Variants in ADGRV1 observed in about 807,000 individuals in gnomAD.
ADGRV1 encodes G-protein coupled receptor 98.
ADGRV1 carries 359 observed loss-of-function variants against 596.2 expected under a neutral mutation model. That is an observed-to-expected ratio of 0.60 (90% confidence interval 0.55 to 0.66). The LOEUF (loss-of-function observed/expected upper bound fraction) is 0.66. Ranked by LOEUF, ADGRV1 falls within the 30% of genes least tolerant of loss-of-function variation. The probability of loss-of-function intolerance (pLI) is 0.00; values close to 1 mark genes in which losing one functional copy is unlikely to be tolerated. For synonymous variants in ADGRV1, 2,681 were observed against 2,679.2 expected (o/e 1.00, Z -0.02); for missense variants, 7,274 against 7,575.6 (o/e 0.96, Z 1.48).
intron 85 of ADGRV1, among the ~76,000 whole-genome samples, chr5:91,051,755 G>A (rs557597074): frequency 6.8e-4 from 103 of 152,030 alleles, no homozygotes; most frequent in African/African-American, 2.3e-3. Flanking sequence ...CACGACGTTA[G>A]CCAGGATGGT....
intron 72 of ADGRV1, among the ~76,000 whole-genome samples, chr5:90,807,093 C>T (rs142133124): frequency 1.3e-4 from 20 of 152,242 alleles, no homozygotes; most frequent in Middle Eastern, 6.8e-3. Context: ...CCTCAGAATC[C>T]GCCCTCGTCG....
At chr5:90,963,311 G>A (rs2150960094) in intron 83 of ADGRV1, among the ~76,000 whole-genome samples, 1 of 152,194 alleles carries the variant, frequency 6.6e-6, no homozygotes, top group East Asian at 1.9e-4. Flanking sequence ...CATAGAAGGT[G>A]TTCAAGGAAT....
At chr5:90,986,767 A>G (rs1780533011) in intron 85 of ADGRV1, among the ~76,000 whole-genome samples, 1 of 152,160 alleles carries the variant, frequency 6.6e-6, no homozygotes, top group Non-Finnish European at 1.5e-5. Context: ...GATTTTTTAC[A>G]TTTTACTATC....
intron 39 of ADGRV1, among the ~76,000 whole-genome samples, chr5:90,709,991 C>T (rs890344479): frequency 6.6e-6 from 1 of 152,166 alleles, no homozygotes; most frequent in Non-Finnish European, 1.5e-5. Context: ...GCGTAATATG[C>T]CCCAAATCAC....
intron 78 of ADGRV1, among the ~76,000 whole-genome samples, chr5:90,847,020 T>C (rs1765952629): frequency 6.6e-6 from 1 of 152,186 alleles, no homozygotes; most frequent in Admixed American, 6.5e-5. Flanking sequence ...AGAGTGCTGA[T>C]TGGTGCACTT....
At chr5:90,976,298 ATG>A (rs752233519) in intron 84 of ADGRV1, among the ~76,000 whole-genome samples, 3,142 of 118,810 alleles carry the variant, frequency 0.026, 97 homozygotes, top group East Asian at 0.086. Context: ...GTGTGTGTAT[ATG>A]TGTGTGTGTG....
At position 90,708,909 on chromosome 5, in the gene ADGRV1, G is replaced by A. The variant is rs776760190; in HGVS notation, c.8824G>A (p.Asp2942Asn). 6.3e-7 allele frequency: 1 copy of A among 1,597,334 alleles called. No individual in the cohort carries two copies. The highest frequency in any genetic ancestry group is 8.6e-7 in the Non-Finnish European group (1 of 1,165,536). Reference sequence around the variant, plus strand: ...TTCAACTTCATTTCCTCCCAGACTAGGTATGAGGGGTTTCTTGTTTGTTTC... The same window carrying A: ...TTCAACTTCATTTCCTCCCAGACTAAGTATGAGGGGTTTCTTGTTTGTTTC... ...AASTSFPPRL[D>N]SEGLTAQVII... Residue 2942 changes from aspartate to asparagine, a missense_variant and splice_region_variant, in exon 39 of 90, where the codon GAT (aspartate) becomes AAT (asparagine). Asp to Asn is a conservative substitution (Grantham distance 23, BLOSUM62 1). Coordinates refer to ENST00000405460, the MANE Select transcript of ADGRV1 (RefSeq NM_032119.4).
chr5:91,157,109 T>A (rs140353936), intron 89 of ADGRV1, among the ~76,000 whole-genome samples: 1 of 152,310 alleles, frequency 6.6e-6, no homozygotes, highest in East Asian at 1.9e-4. Context: ...TATGCAAACC[T>A]CCTTGGCCAC....
intron 1 of ADGRV1, among the ~76,000 whole-genome samples, chr5:90,608,645 T>C (rs995164813): frequency 6.6e-6 from 1 of 152,162 alleles, no homozygotes; most frequent in Non-Finnish European, 1.5e-5. Flanking sequence ...CATTTATCTT[T>C]ACATAAGCTT....
intron 83 of ADGRV1, among the ~76,000 whole-genome samples, chr5:90,904,118 C>T (rs1469348650): frequency 2.0e-5 from 3 of 151,952 alleles, no homozygotes; most frequent in African/African-American, 4.8e-5. Context: ...CTGAATAGTA[C>T]TCCATTGTGT....
intron 83 of ADGRV1, among the ~76,000 whole-genome samples, chr5:90,864,258 T>C (rs142231848): frequency 6.6e-6 from 1 of 152,316 alleles, no homozygotes; most frequent in East Asian, 1.9e-4. Flanking sequence ...CTGGACACTA[T>C]GTATTGTTTC....
intron 70 of ADGRV1, among the ~76,000 whole-genome samples, chr5:90,799,350 C>G (rs1761103743): frequency 1.3e-5 from 2 of 152,082 alleles, no homozygotes; most frequent in Non-Finnish European, 2.9e-5. Flanking sequence ...GAATAAAATA[C>G]CTAGGAATCA....
chr5:90,972,383 A>G (rs1404653943), intron 84 of ADGRV1, among the ~76,000 whole-genome samples: 2 of 152,206 alleles, frequency 1.3e-5, no homozygotes, highest in Non-Finnish European at 2.9e-5. Context: ...CTCCACCCCA[A>G]ATCAACAGAT....
intron 1 of ADGRV1, chr5:90,614,244 G>A (rs34179397): frequency 0.013 from 4,835 of 381,884 alleles, 39 homozygotes; most frequent in Non-Finnish European, 0.019. Context: ...TTTCTTAGAC[G>A]TGGTCTTAGT....
At chr5:90,787,187 T>G (rs963408583) in intron 67 of ADGRV1, among the ~76,000 whole-genome samples, 2 of 152,194 alleles carry the variant, frequency 1.3e-5, no homozygotes, top group African/African-American at 4.8e-5. Context: ...GATGAAAGAT[T>G]AAGAAGCAAA....
At chr5:90,876,516 A>G (rs1057334155) in intron 83 of ADGRV1, among the ~76,000 whole-genome samples, 1 of 152,196 alleles carries the variant, frequency 6.6e-6, no homozygotes, top group African/African-American at 2.4e-5. Flanking sequence ...GTGTTTTACC[A>G]TTTATTGTTA....
At chr5:90,759,294 A>G (rs1392214830) in intron 57 of ADGRV1, 115 bp from the exon 58 acceptor site, 2 of 789,928 alleles carry the variant, frequency 2.5e-6, no homozygotes, top group East Asian at 2.7e-5. Context: ...GGTTTCAACT[A>G]AAAAATTAAA....
Position 91,163,786 on chromosome 5 carries a change from T to C in ADGRV1, c.18807T>C (p.Ala6269=). The change falls in exon 90 of 90, where the codon GCT becomes GCC. Residue 6269 remains alanine (A), a synonymous_variant. Coordinates refer to ENST00000405460, the MANE Select transcript of ADGRV1 (RefSeq NM_032119.4). Reference sequence around the variant, plus strand: ...TTCATTCTATTTCTGTGGCAGGTGCTGGTCTCAGTGTCAGTGATAATGAAT... The same window carrying C: ...TTCATTCTATTTCTGTGGCAGGTGCCGGTCTCAGTGTCAGTGATAATGAAT... The part of the protein sequence containing the change: ...DDLIFALKTG[A]GLSVSDNESG... 1 of 1,465,270 alleles carries C rather than the reference T, an allele frequency of 6.8e-7. No homozygotes were observed. The highest frequency in any genetic ancestry group is 9.4e-7 in the Non-Finnish European group (1 of 1,058,438). The allele number at this position is 1,465,270 out of a possible 1,614,324, so 90.8% of individuals were successfully genotyped here.
chr5:91,164,057 T>C lies in ADGRV1; in HGVS notation c.*157T>C, dbSNP rs1045289113. Reference sequence around the variant, plus strand: ...TTGTATTTGGAGTATAAATTACTGATTGTATGTGACCTGAAAATTCACTGC... The same window carrying C: ...TTGTATTTGGAGTATAAATTACTGACTGTATGTGACCTGAAAATTCACTGC... On this transcript the variant is annotated 3_prime_UTR_variant, in exon 90 of 90. Coordinates refer to ENST00000405460, the MANE Select transcript of ADGRV1 (RefSeq NM_032119.4). The C allele has an allele frequency of 4.3e-6, 3 of 694,080 alleles. No homozygotes were observed. The highest frequency in any genetic ancestry group is 3.5e-5 in the African/African-American group (2 of 57,026). 43.0% of individuals were successfully genotyped at this position (694,080 alleles called of 1,614,324 possible).
Sources: gnomAD v4.1 joint callset for allele counts (sites outside exome capture counted in the v4.1 genomes callset) on GRCh38, gnomAD v4.1.1 for gene constraint, MANE v1.5 for transcripts, NCBI Gene and HGNC (gene_info 2026-07-23, HGNC 2026-07-21) for gene names.